KCND1: variants seen among roughly 807,000 people sequenced by gnomAD.
The protein encoded by KCND1 is A-type voltage-gated potassium channel KCND1.
Under a neutral mutation model 31.8 loss-of-function variants are expected in KCND1, and 11 were observed. That is an observed-to-expected ratio of 0.35 (90% CI 0.22 to 0.57). The LOEUF (loss-of-function observed/expected upper bound fraction) is 0.57. Ranked by LOEUF, KCND1 falls within the 20% of genes least tolerant of loss-of-function variation. The pLI, the probability that KCND1 is intolerant of heterozygous loss-of-function variation, is 0.85. For missense variants in KCND1, 471 were observed against 596.8 expected (o/e 0.79, Z 2.20); for synonymous variants, 234 against 248.1 (o/e 0.94, Z 0.53).
Position 48,970,277 on chromosome X carries a change from C to A in KCND1, c.-6G>T, listed in dbSNP as rs2064380769. 8 of 1,192,909 alleles carry A rather than the reference C, an allele frequency of 6.7e-6. No homozygotes were observed. The highest frequency in any genetic ancestry group is 9.0e-6 in the Non-Finnish European group (8 of 886,920). On this transcript the variant is annotated 5_prime_UTR_variant, in exon 1 of 6. Transcript: ENST00000218176. Reference sequence around the variant, plus strand: ...GTGGCCAGGCCTGCCGCCATCGTGCCACTCCCCAAGCCCAGGGAGACTTAG... The same window carrying A: ...GTGGCCAGGCCTGCCGCCATCGTGCAACTCCCCAAGCCCAGGGAGACTTAG...
rs782632159 is a variant in KCND1 at position 48,964,440 on chromosome X, C to T, written c.1718+1615G>A. Among the ~76,000 whole-genome samples, 259 of 111,075 alleles carry T rather than the reference C, an allele frequency of 2.3e-3. 2 individuals carry two copies. Among genetic ancestry groups the T allele is most frequent in the Non-Finnish European group, 2.5e-3 (130 of 52,884 alleles). ...GCTAAGGCAGAGAATTGCTTGAACC[C>T]GGGAGGCGGAGGTTCCAGTGAGCCA... On this transcript the variant is annotated intron_variant, in intron 5 of 5. Transcript: ENST00000218176.
intron 1 of KCND1, chrX:48,968,397 G>C (rs2064365273): frequency 9.0e-6 from 1 of 111,646 alleles, no homozygotes; most frequent in Admixed American, 9.5e-5. Context: ...AATCACAAAG[G>C]CTCAGAAGTA....
Position 48,969,648 on chromosome X carries a change from G to A in KCND1, c.624C>T (p.Ile208=). The A allele has an allele frequency of 8.3e-7, 1 of 1,211,276 alleles. No individual in the cohort carries two copies. Residue 208 remains isoleucine, a synonymous_variant, in exon 1 of 6, where the codon ATC becomes ATT. Transcript: ENST00000218176. Reference sequence around the variant, plus strand: ...ACCTGCGTGCAGAGCCGCGGCATGGGATGGTCTCCACCACATTGGCGATGA... The same window carrying A: ...ACCTGCGTGCAGAGCCGCGGCATGGAATGGTCTCCACCACATTGGCGATGA... ...VSVIANVVET[I]PCRGSARRSS...
chrX:48,966,812 C>A lies in KCND1; in HGVS notation c.1317G>T (p.Lys439Asn). Residue 439 changes from lysine (K) to asparagine (N), a missense_variant, in exon 3 of 6, where the codon AAG (lysine) becomes AAT (asparagine). By Grantham distance (94) the Lys-to-Asn change is moderately conservative. This residue lies in a region of KCND1 where 74 missense variants were observed against 154.2 expected (regional missense o/e 0.48). Coordinates refer to ENST00000218176, the MANE Select transcript of KCND1 (RefSeq NM_004979.6). ...KVRLARIRLA[K>N]SGTTNAFLQY... ...GCAGGAAGGCATTGGTGGTACCACT[C>A]TTTGCCAATCGGATCCTTGCCAAGC... The A allele has an allele frequency of 8.3e-7, 1 of 1,206,882 alleles. No individual in the cohort carries two copies. Among genetic ancestry groups the A allele is most frequent in the Non-Finnish European group, 1.1e-6 (1 of 893,960 alleles).
chrX:48,962,991 C>A (rs947605702), intron 5 of KCND1, among the ~76,000 whole-genome samples, 185 bp from the exon 6 acceptor site: 13 of 110,013 alleles, frequency 1.2e-4, no homozygotes, highest in African/African-American at 3.3e-4. Context: ...AAAAAATTAG[C>A]TGGGCATGGT....
At chrX:48,965,841 A>G (rs964893279) in intron 5 of KCND1, among the ~76,000 whole-genome samples, 119 of 106,309 alleles carry the variant, frequency 1.1e-3, no homozygotes, top group African/African-American at 2.0e-3. Context: ...CCGCCATTGC[A>G]CTCCAGCCTG....
Position 48,970,185 on chromosome X carries a change from C to A in KCND1, c.87G>T (p.Pro29=), listed in dbSNP as rs782154287. ...WLPLAQQPLP[P]APGVKASRGD... ...CTCGAGATGCCTTCACCCCCGGTGC[C>A]GGGGGCAGGGGTTGCTGGGCCAGGG... The change falls in exon 1 of 6, where the codon CCG becomes CCT. Residue 29 remains proline, a synonymous_variant. Transcript: ENST00000218176. The A allele has an allele frequency of 8.3e-7, 1 of 1,209,650 alleles. No individual in the cohort carries two copies. The highest frequency in any genetic ancestry group is 1.8e-5 in the South Asian group (1 of 56,724).
chrX:48,963,108 C>A (rs1211679103), intron 5 of KCND1, among the ~76,000 whole-genome samples: 1 of 104,210 alleles, frequency 9.6e-6, no homozygotes, highest in African/African-American at 3.6e-5. Context: ...TGCACTCCAG[C>A]CTGGGTGACG....
chrX:48,969,752 G>C lies in KCND1; in HGVS notation c.520C>G (p.Arg174Gly). The change falls in exon 1 of 6, where the codon CGG becomes GGG. Residue 174 changes from arginine (R) to glycine (G), a missense_variant. Transcript: ENST00000218176. ...AGSSLRQRLW[R>G]AFENPHTSTA... is the part of the protein sequence containing the mutation. ...CTCGTGTGTGGATTCTCGAAGGCCC[G>C]CCAGAGCCGCTGCCGCAGGGAGCTG... 8.3e-7 allele frequency: 1 copy of C among 1,207,209 alleles called. No homozygotes were observed. The highest frequency in any genetic ancestry group is 1.7e-5 in the African/African-American group (1 of 57,550).
rs782751805 is a variant in KCND1 at position 48,969,741 on chromosome X, C to A, written c.531G>T (p.Glu177Asp). 1 of 1,207,225 alleles carries A rather than the reference C, an allele frequency of 8.3e-7. No homozygotes were observed. The highest frequency in any genetic ancestry group is 1.1e-6 in the Non-Finnish European group (1 of 893,739). Residue 177 changes from glutamate (E) to aspartate (D), a missense_variant, in exon 1 of 6, where the codon GAG becomes GAT. Physicochemically the swap from Glu to Asp is conservative, Grantham distance 45. This residue lies in a region of KCND1 where 212 missense variants were observed against 257.9 expected (regional missense o/e 0.82). Coordinates refer to ENST00000218176, the MANE Select transcript of KCND1 (RefSeq NM_004979.6). ...GGGCTGCGGTGCTCGTGTGTGGATT[C>A]TCGAAGGCCCGCCAGAGCCGCTGCC... Reference protein sequence around the residue: ...SLRQRLWRAFENPHTSTAALV... With the variant: ...SLRQRLWRAFDNPHTSTAALV...
Position 48,966,836 on chromosome X carries a change from G to C in KCND1, c.1293C>G (p.Arg431=). The C allele has an allele frequency of 8.3e-7, 1 of 1,205,604 alleles. No homozygotes were observed. Among genetic ancestry groups the C allele is most frequent in the South Asian group, 1.8e-5 (1 of 56,558 alleles). ...ADKRRAQQKV[R]LARIRLAKSG... The stretch of plus-strand genomic sequence containing the variant: ...TCTTTGCCAATCGGATCCTTGCCAA[G>C]CGCACCTTCTGCAGAGAGAGGAGAT... Residue 431 remains arginine (R), a synonymous_variant, in exon 3 of 6, where the codon CGC becomes CGG. Transcript: ENST00000218176.
intron 1 of KCND1, 79 bp from the exon 2 acceptor site, chrX:48,967,185 C>T (rs1435754711): frequency 1.5e-5 from 13 of 870,471 alleles, no homozygotes; most frequent in South Asian, 2.3e-5. Context: ...CCATCTAATC[C>T]GGACTAGCTC....
chrX:48,969,087 C>T (rs1308837130), intron 1 of KCND1, 64 bp downstream of exon 1: 8 of 1,067,613 alleles, frequency 7.5e-6, no homozygotes, highest in Non-Finnish European at 1.3e-6. Context: ...TTCCTTTAAA[C>T]TTCCTAATTT....
In KCND1 at chrX:48,962,804, C is replaced by T. The variant is rs2064330600; in HGVS notation, c.1721G>A (p.Arg574His). 4 of 1,205,242 alleles carry T rather than the reference C, an allele frequency of 3.3e-6. No individual in the cohort carries two copies. The highest frequency in any genetic ancestry group is 4.5e-6 in the Non-Finnish European group (4 of 890,711). ...GLRRSHAPQSRSSLNAKPHDS... is the reference protein window; with the variant it reads ...GLRRSHAPQSHSSLNAKPHDS... ...ATGGGGCTTGGCATTGAGGCTGGAA[C>T]GGCTGTGGACAAGGGTGGAGAAGAT... Residue 574 changes from arginine to histidine, a missense_variant and splice_region_variant, in exon 6 of 6, where the codon CGT (arginine) becomes CAT (histidine). By Grantham distance (29) the Arg-to-His change is conservative. This residue lies in a region of KCND1 where 185 missense variants were observed against 184.7 expected (regional missense o/e 1.00). Transcript: ENST00000218176.
At chrX:48,967,835 C>T (rs1403806151) in intron 1 of KCND1, 5 of 111,947 alleles carry the variant, frequency 4.5e-5, no homozygotes, top group East Asian at 2.8e-4. Context: ...TTCCTTATTT[C>T]GGTATTTTCA....
At chrX:48,964,551 A>G (rs2064340368) in intron 5 of KCND1, among the ~76,000 whole-genome samples, 1 of 108,323 alleles carries the variant, frequency 9.2e-6, no homozygotes, top group African/African-American at 3.4e-5. Flanking sequence ...AACATAAAAA[A>G]ATAAAAATAT....
Position 48,969,944 on chromosome X carries a change from A to C in KCND1, c.328T>G (p.Cys110Gly). 1.7e-6 allele frequency: 2 copies of C among 1,210,029 alleles called. No individual in the cohort carries two copies. The highest frequency in any genetic ancestry group is 2.2e-6 in the Non-Finnish European group (2 of 894,734). The change falls in exon 1 of 6, where the codon TGC becomes GGC. Residue 110 changes from cysteine to glycine, a missense_variant. Physicochemically the swap from Cys to Gly is radical, Grantham distance 159. Coordinates refer to ENST00000218176, the MANE Select transcript of KCND1 (RefSeq NM_004979.6). ...AGCTCTTCGTCGAAGGCCTGGATGC[A>C]CTCCTGCCGTGGGCAATGCAGCCGC... ...TGRLHCPRQE[C>G]IQAFDEELAF...
rs782567521 is a variant in KCND1, at chrX:48,970,081, G to T, written c.191C>A (p.Thr64Asn). The T allele has an allele frequency of 8.3e-7, 1 of 1,210,000 alleles. No individual in the cohort carries two copies. Among genetic ancestry groups the T allele is most frequent in the Admixed American group, 2.2e-5 (1 of 46,023 alleles). ...TTCCTTCTCCGAGCTGCCCAGCAAG[G>T]TGTCTGGGTAGCGGTCCAGCGTATT... ...WKNTLDRYPD[T>N]LLGSSEKEFF... Residue 64 changes from threonine to asparagine, a missense_variant, in exon 1 of 6, where the codon ACC becomes AAC. Coordinates refer to ENST00000218176, the MANE Select transcript of KCND1 (RefSeq NM_004979.6).
At chrX:48,967,442 G>A (rs1222204842) in intron 1 of KCND1, 5 of 223,531 alleles carry the variant, frequency 2.2e-5, no homozygotes, top group East Asian at 9.1e-5. Flanking sequence ...CAGGCCAGCC[G>A]AAGGGCTTCA....
Sources: gnomAD v4.1 joint callset for allele counts (sites outside exome capture counted in the v4.1 genomes callset) on GRCh38, gnomAD v4.1.1 for gene constraint, gnomAD v4.1.1 regional missense constraint, MANE v1.5 for transcripts, NCBI Gene and HGNC (gene_info 2026-07-23, HGNC 2026-07-21) for gene names.